The following C1GALT1 variants were observed in gnomAD, a reference collection of about 807,000 sequenced individuals.
The protein encoded by C1GALT1 is core 1 synthase, glycoprotein-N-acetylgalactosamine 3-beta-galactosyltransferase 1.
In C1GALT1, 11 loss-of-function variants were observed where a neutral mutation model predicts 31.0. The ratio of observed to expected loss-of-function variants is 0.36; its 90% CI spans 0.22 to 0.59. C1GALT1 has a LOEUF of 0.59. C1GALT1 is among the 20% of genes least tolerant of loss of function. The pLI, the probability that C1GALT1 is intolerant of heterozygous loss-of-function variation, is 0.79. For synonymous variants in C1GALT1, 175 were observed against 143.6 expected (o/e 1.22, Z -1.56); for missense variants, 424 against 425.2 (o/e 1.00, Z 0.03).
chr7:7,194,471 C>A (rs901064660), intron 1 of C1GALT1, among the ~76,000 whole-genome samples: 2 of 152,044 alleles, frequency 1.3e-5, no homozygotes, highest in Admixed American at 6.6e-5. Context: ...TGGTACATCA[C>A]AATTATTGAC....
Position 7,248,092 on chromosome 7 carries a change from A to T in C1GALT1, c.*4365A>T, listed in dbSNP as rs554370666. Reference sequence around the variant, plus strand: ...GGCCTGACAGAAACATAGTGAAGCAATCTGGGAGGCAACCTGTGGTAGATT... The same window carrying T: ...GGCCTGACAGAAACATAGTGAAGCATTCTGGGAGGCAACCTGTGGTAGATT... On this transcript the variant is annotated 3_prime_UTR_variant, in exon 4 of 4. Transcript: ENST00000436587. The T allele has an allele frequency of 6.6e-6, 1 of 152,058 alleles. No homozygotes were observed. Among genetic ancestry groups the T allele is most frequent in the African/African-American group, 2.4e-5 (1 of 41,444 alleles). 9.4% of individuals were successfully genotyped at this position (152,058 alleles called of 1,614,324 possible).
intron 1 of C1GALT1, among the ~76,000 whole-genome samples, chr7:7,198,871 G>A (rs1239031367): frequency 2.0e-5 from 3 of 152,066 alleles, no homozygotes; most frequent in Non-Finnish European, 4.4e-5. Context: ...CTGTGGGATC[G>A]GTGGTGATAT....
intron 1 of C1GALT1, among the ~76,000 whole-genome samples, chr7:7,185,953 C>A (rs926238049): frequency 2.0e-5 from 3 of 152,060 alleles, no homozygotes; most frequent in African/African-American, 7.2e-5. Flanking sequence ...TTTCTGTTGC[C>A]TCTAGCAGAA....
At position 7,203,113 on chromosome 7, in the gene C1GALT1, C is replaced by G. The variant is rs993451538; in HGVS notation, c.-18+20293C>G. On this transcript the variant is annotated intron_variant, in intron 1 of 3. Coordinates refer to ENST00000436587, the MANE Select transcript of C1GALT1 (RefSeq NM_020156.5). Reference sequence around the variant, plus strand: ...ACAGGTTTTTTTTTTTTTTTGGAATCTTTAGGGTTCCCTGCATATAAGATC... The same window carrying G: ...ACAGGTTTTTTTTTTTTTTTGGAATGTTTAGGGTTCCCTGCATATAAGATC... Among the ~76,000 whole-genome samples the G allele has an allele frequency of 3.6e-5, 4 of 110,238 alleles. No homozygotes were observed. In the Admixed American group the frequency reaches 3.8e-4, roughly 10 times the overall value. 72.3% of individuals were successfully genotyped at this position (110,238 alleles called of 152,430 possible).
chr7:7,164,915 G>A (rs1446532176), intron 2 of C1GALT1, among the ~76,000 whole-genome samples: 5 of 152,114 alleles, frequency 3.3e-5, no homozygotes, highest in African/African-American at 7.2e-5. Context: ...TGGGTTTGCT[G>A]CCTTTGATTG....
At chr7:7,195,636 G>T (rs1562565725) in intron 1 of C1GALT1, among the ~76,000 whole-genome samples, 1 of 148,090 alleles carries the variant, frequency 6.8e-6, no homozygotes, top group Admixed American at 6.7e-5. Context: ...TGAATAGAAT[G>T]TATATTCTGT....
chr7:7,245,588 T>G lies in C1GALT1; in HGVS notation c.*1861T>G, dbSNP rs994161520. 10 of 152,256 alleles carry G rather than the reference T, an allele frequency of 6.6e-5. No homozygotes were observed. The highest frequency in any genetic ancestry group is 2.4e-4 in the African/African-American group (10 of 41,472). 9.4% of individuals were successfully genotyped at this position (152,256 alleles called of 1,614,324 possible). ...TTAACCATGGACTACTCTGTCCACG[T>G]AGTGAAAACATGCACCAGTTTTTAC... On this transcript the variant is annotated 3_prime_UTR_variant, in exon 4 of 4. Coordinates refer to ENST00000436587, the MANE Select transcript of C1GALT1 (RefSeq NM_020156.5).
At chr7:7,204,108 T>G (rs925164006) in intron 1 of C1GALT1, among the ~76,000 whole-genome samples, 2 of 150,430 alleles carry the variant, frequency 1.3e-5, no homozygotes, top group African/African-American at 2.4e-5. Context: ...TTTTTTTTTT[T>G]TTGTTTTTTT....
chr7:7,212,280 A>G (rs1003750788), intron 1 of C1GALT1, among the ~76,000 whole-genome samples: 5 of 152,126 alleles, frequency 3.3e-5, no homozygotes, highest in African/African-American at 1.2e-4. Flanking sequence ...GACTGTGTAG[A>G]CAAGGTATGA....
chr7:7,236,462 T>G (rs1024361381), intron 2 of C1GALT1, among the ~76,000 whole-genome samples: 5 of 152,158 alleles, frequency 3.3e-5, no homozygotes, highest in Non-Finnish European at 7.4e-5. Flanking sequence ...GTAGGGTGAT[T>G]TTGTCTGCTG....
At position 7,229,073 on chromosome 7, in the gene C1GALT1, T is replaced by C. The variant is rs1782940050; in HGVS notation, c.-17-5230T>C. On this transcript the variant is annotated intron_variant, in intron 1 of 3. Coordinates refer to ENST00000436587, the MANE Select transcript of C1GALT1 (RefSeq NM_020156.5). ...CATATGATGATAGAAATAGGAATTT[T>C]CTCTGGTCCTGCAGTCCTTCCTCTT... is the stretch of plus-strand genomic sequence containing the variant. Among the ~76,000 whole-genome samples, 2 of 152,164 alleles carry C rather than the reference T, an allele frequency of 1.3e-5. 1 individual carries two copies. The highest frequency in any genetic ancestry group is 3.9e-4 in the East Asian group (2 of 5,192).
chr7:7,238,220 A>G lies in C1GALT1; in HGVS notation c.221-35A>G. 2 of 1,509,692 alleles carry G rather than the reference A, an allele frequency of 1.3e-6. No homozygotes were observed. The highest frequency in any genetic ancestry group is 1.8e-6 in the Non-Finnish European group (2 of 1,120,974). The allele number at this position is 1,509,692 out of a possible 1,614,324, so 93.5% of individuals were successfully genotyped here. Reference sequence around the variant, plus strand: ...TTATTAATATTTGGATTTTACATCTATGTAAATAACCTTTTAAAATGTTTT... The same window carrying G: ...TTATTAATATTTGGATTTTACATCTGTGTAAATAACCTTTTAAAATGTTTT... On this transcript the variant is annotated intron_variant, in intron 2 of 3. Coordinates refer to ENST00000436587, the MANE Select transcript of C1GALT1 (RefSeq NM_020156.5). The surrounding 1 kb of genome is among the most constrained non-coding windows in gnomAD (Gnocchi z 5.2).
intron 1 of C1GALT1, among the ~76,000 whole-genome samples, chr7:7,210,128 A>C (rs2128238563): frequency 6.6e-6 from 1 of 152,314 alleles, no homozygotes; most frequent in South Asian, 2.1e-4. Flanking sequence ...ATGATGGCTT[A>C]GCTTGGGCTC....
chr7:7,220,982 G>T (rs1782486346), intron 1 of C1GALT1, among the ~76,000 whole-genome samples: 1 of 129,790 alleles, frequency 7.7e-6, no homozygotes, highest in Non-Finnish European at 1.6e-5. Flanking sequence ...GTGACCTTTT[G>T]TTCCTCTCTC....
rs1317164310 is a variant in C1GALT1, at chr7:7,183,207, G to GCCCTCCCAGT, written c.-18+394_-18+403dup. Among the ~76,000 whole-genome samples the GCCCTCCCAGT allele has an allele frequency of 2.6e-5, 4 of 151,830 alleles. No individual in the cohort carries two copies. In the South Asian group the frequency reaches 6.2e-4, roughly 24 times the overall value. On this transcript the variant is annotated intron_variant, in intron 1 of 3. Coordinates refer to ENST00000436587, the MANE Select transcript of C1GALT1 (RefSeq NM_020156.5). ...CCACTTAGCGGTCCTGCCCCGCCGGGCCCTCCCAGTCCCTCCTCCCGGGCC... is the reference window on the plus strand; with the variant it reads ...CCACTTAGCGGTCCTGCCCCGCCGGGCCCTCCCAGTCCCTCCCAGTCCCTCCTCCCGGGCC...
intron 2 of C1GALT1, 123 bp downstream of exon 2, chr7:7,234,662 G>T: frequency 1.4e-6 from 1 of 707,644 alleles, no homozygotes; most frequent in South Asian, 2.1e-5. Flanking sequence ...ATAATTCTTG[G>T]TTTGCCTCAA....
At position 7,183,196 on chromosome 7, in the gene C1GALT1, T is replaced by TGCCCCGCCGGGCCC. The variant is rs1252303630; in HGVS notation, c.-18+377_-18+390dup. On this transcript the variant is annotated intron_variant, in intron 1 of 3. Coordinates refer to ENST00000436587, the MANE Select transcript of C1GALT1 (RefSeq NM_020156.5). ...CCCGGACCGGACCACTTAGCGGTCC[T>TGCCCCGCCGGGCCC]GCCCCGCCGGGCCCTCCCAGTCCCT... Among the ~76,000 whole-genome samples, 32 of 149,480 alleles carry TGCCCCGCCGGGCCC rather than the reference T, an allele frequency of 2.1e-4. No homozygotes were observed. The East Asian group carries it at 6.7e-3, about 31-fold the overall frequency.
At chr7:7,196,558 T>C (rs572344465) in intron 1 of C1GALT1, among the ~76,000 whole-genome samples, 5 of 152,346 alleles carry the variant, frequency 3.3e-5, no homozygotes, top group African/African-American at 1.2e-4. Flanking sequence ...GCATGATTTG[T>C]AATCCTTTGG....
chr7:7,225,332 C>G (rs564666866), intron 1 of C1GALT1, among the ~76,000 whole-genome samples: 3 of 152,248 alleles, frequency 2.0e-5, no homozygotes, highest in East Asian at 3.9e-4. Context: ...ATTAGCAAAA[C>G]TAAACTCCAG....
Sources: gnomAD v4.1 joint callset for allele counts (sites outside exome capture counted in the v4.1 genomes callset) on GRCh38, gnomAD v4.1.1 for gene constraint, Gnocchi (gnomAD v3.1) non-coding constraint, MANE v1.5 for transcripts, NCBI Gene and HGNC (gene_info 2026-07-23, HGNC 2026-07-21) for gene names.